DRC7: variants seen among roughly 807,000 people sequenced by gnomAD.
The protein encoded by DRC7 is dynein regulatory complex subunit 7.
A neutral mutation model predicts 104.4 loss-of-function variants in DRC7; 80 were observed. The ratio of observed to expected loss-of-function variants is 0.77; its 90% CI spans 0.64 to 0.92. The LOEUF (loss-of-function observed/expected upper bound fraction) is 0.92, where lower values mean the gene tolerates loss of function less well. Among genes scored for constraint, DRC7 ranks in the 40% least tolerant of loss-of-function variants. The pLI is 0.00. For synonymous variants in DRC7, 405 were observed against 447.3 expected, an observed-to-expected ratio of 0.91 and a Z score of 1.19; for missense variants, 1,034 against 1,141.1, an observed-to-expected ratio of 0.91 and a Z score of 1.35.
intron 4 of DRC7, 151 bp downstream of exon 4, chr16:57,699,175 C>T (rs1214973638): frequency 2.2e-5 from 20 of 916,412 alleles, no homozygotes; most frequent in African/African-American, 1.2e-4. Context: ...AACATAAAGT[C>T]GAACGCCAGC....
rs142383170 is a variant in DRC7, at chr16:57,698,087, G to A, written c.138G>A (p.Gln46=). Residue 46 remains glutamine (Q), a synonymous_variant, in exon 3 of 19, where the codon CAG becomes CAA. Coordinates refer to ENST00000360716, the MANE Select transcript of DRC7 (RefSeq NM_001289162.2). ...EVRKEEITLK[Q]ETLRDLEKKL... ...GGAAGGAGGAAATCACCTTAAAGCAGGAGACGCTCAGAGACCTGGAGAAGA... is the reference window on the plus strand; with the variant it reads ...GGAAGGAGGAAATCACCTTAAAGCAAGAGACGCTCAGAGACCTGGAGAAGA... 4 of 1,614,054 alleles carry A rather than the reference G, an allele frequency of 2.5e-6. No individual in the cohort carries two copies. The highest frequency in any genetic ancestry group is 3.4e-6 in the Non-Finnish European group (4 of 1,180,050).
chr16:57,716,587 C>T (rs1301390315), intron 8 of DRC7, among the ~76,000 whole-genome samples: 4 of 152,026 alleles, frequency 2.6e-5, no homozygotes, highest in African/African-American at 7.2e-5. Flanking sequence ...TTGCCACAGT[C>T]GCTGTGACAT....
chr16:57,718,922 G>A (rs894019479), intron 9 of DRC7, among the ~76,000 whole-genome samples: 15 of 151,996 alleles, frequency 9.9e-5, no homozygotes, highest in Admixed American at 2.0e-4. Flanking sequence ...CTGGGAGGCC[G>A]AAGCTGCAGT....
At chr16:57,714,401 G>T (rs549757555) in intron 8 of DRC7, 2 of 161,472 alleles carry the variant, frequency 1.2e-5, no homozygotes, top group African/African-American at 2.4e-5. Flanking sequence ...TGAGAGGATC[G>T]CTTGAGCTCA....
intron 8 of DRC7, chr16:57,714,229 A>G: frequency 5.7e-6 from 1 of 176,978 alleles, no homozygotes; most frequent in African/African-American, 2.4e-5. Flanking sequence ...TCTATTGAGA[A>G]GAAGGCATCC....
At chr16:57,714,906 C>T (rs1322708100) in intron 8 of DRC7, 2 of 323,718 alleles carry the variant, frequency 6.2e-6, no homozygotes, top group Non-Finnish European at 1.2e-5. Context: ...GCTTGTTTTT[C>T]CCAAAGCATC....
At chr16:57,709,107 C>T (rs180681231) in intron 8 of DRC7, among the ~76,000 whole-genome samples, 7 of 139,966 alleles carry the variant, frequency 5.0e-5, no homozygotes, top group African/African-American at 1.1e-4. Flanking sequence ...CCAGCCTGGG[C>T]GACAAAGCAA....
At chr16:57,726,330 C>T (rs1351838056) in intron 14 of DRC7, 47 bp downstream of exon 14, 4 of 1,521,424 alleles carry the variant, frequency 2.6e-6, no homozygotes, top group Admixed American at 1.7e-5. Context: ...CAGGAGGAAC[C>T]GGGGCTCTCT....
chr16:57,717,233 G>GTTT lies in DRC7; in HGVS notation c.1078-1100_1078-1098dup, dbSNP rs869088347. 6.3e-4 allele frequency among the ~76,000 whole-genome samples: 80 copies of GTTT among 126,894 alleles called. 1 individual carries two copies. Among genetic ancestry groups the GTTT allele is most frequent in the South Asian group, 1.6e-3 (6 of 3,738 alleles). The allele number at this position is 126,894 out of a possible 152,430, so 83.2% of individuals were successfully genotyped here. A position where few individuals can be genotyped will look rare whatever the true frequency, so the allele number is the denominator to read the frequency against. On this transcript the variant is annotated intron_variant, in intron 8 of 18. Coordinates refer to ENST00000360716, the MANE Select transcript of DRC7 (RefSeq NM_001289162.2). Reference sequence around the variant, plus strand: ...GAGGAGAAATTCCCACCCACCTGCTGTTTTTTTTTTTTTTTTGGAGAGACA... The same window carrying GTTT: ...GAGGAGAAATTCCCACCCACCTGCTGTTTTTTTTTTTTTTTTTTTGGAGAGACA...
rs566621043 is a variant in DRC7, at chr16:57,700,334, C to A, written c.504+64C>A. On this transcript the variant is annotated intron_variant, in intron 5 of 18. Coordinates refer to ENST00000360716, the MANE Select transcript of DRC7 (RefSeq NM_001289162.2). ...GGACTAAGATGGTGTGAGAAACAAA[C>A]TCACCCATCCAAACCCAAAGAATGG... is the stretch of plus-strand genomic sequence containing the variant. 100 of 1,551,284 alleles carry A rather than the reference C, an allele frequency of 6.4e-5. 1 individual carries two copies. In the African/African-American group the frequency reaches 1.2e-3, roughly 19 times the overall value.
intron 8 of DRC7, among the ~76,000 whole-genome samples, chr16:57,711,422 C>G (rs1201030947): frequency 6.6e-6 from 1 of 152,158 alleles, no homozygotes; most frequent in Admixed American, 6.5e-5. Flanking sequence ...CAGGGCTTTG[C>G]CAGTGAGGAT....
chr16:57,726,004 T>C (rs1284728686), intron 13 of DRC7, 64 bp from the exon 14 acceptor site: 1 of 1,424,064 alleles, frequency 7.0e-7, no homozygotes, highest in African/African-American at 1.4e-5. Flanking sequence ...CCTGCGGGCA[T>C]GCACAGAAAT....
intron 8 of DRC7, among the ~76,000 whole-genome samples, chr16:57,713,377 T>G (rs1597802648): frequency 6.6e-6 from 1 of 152,254 alleles, no homozygotes; most frequent in South Asian, 2.1e-4. Context: ...CTTCTTTCAG[T>G]TCTATCAGTA....
At chr16:57,727,099 C>T in intron 15 of DRC7, 157 bp downstream of exon 15, 1 of 644,522 alleles carries the variant, frequency 1.6e-6, no homozygotes, top group Middle Eastern at 4.2e-4. Flanking sequence ...TAACTGGGAC[C>T]ACTAGCGCAC....
intron 6 of DRC7, among the ~76,000 whole-genome samples, chr16:57,703,316 A>G (rs2048679346): frequency 6.6e-6 from 1 of 152,226 alleles, no homozygotes. Context: ...GACACAAGAA[A>G]TACTCTGGAA....
intron 8 of DRC7, among the ~76,000 whole-genome samples, chr16:57,713,201 G>A (rs1375406978): frequency 6.6e-6 from 1 of 152,200 alleles, no homozygotes; most frequent in African/African-American, 2.4e-5. Context: ...TGACAAGAAT[G>A]TGTATTTTGC....
At chr16:57,730,752 C>G (rs2049052243) in intron 17 of DRC7, among the ~76,000 whole-genome samples, 179 bp from the exon 18 acceptor site, 2 of 152,168 alleles carry the variant, frequency 1.3e-5, no homozygotes, top group South Asian at 4.1e-4. Flanking sequence ...CACTGGCTCC[C>G]ACCCAAGATA....
chr16:57,721,044 GTC>G (rs558482771), intron 9 of DRC7, among the ~76,000 whole-genome samples: 60 of 151,906 alleles, frequency 3.9e-4, no homozygotes, highest in African/African-American at 1.4e-3. Context: ...TCCCCCGGCC[GTC>G]TCTACTAAAA....
At chr16:57,723,177 G>A in intron 12 of DRC7, 47 bp downstream of exon 12, 2 of 1,601,862 alleles carry the variant, frequency 1.2e-6, no homozygotes, top group Non-Finnish European at 1.7e-6. Flanking sequence ...TGGGGTAGAG[G>A]CCTCACACAC....
Sources: allele counts gnomAD v4.1 joint callset (sites outside exome capture counted in the v4.1 genomes callset), GRCh38; gene constraint gnomAD v4.1.1; transcripts MANE v1.5; gene names NCBI Gene and HGNC (gene_info 2026-07-23, HGNC 2026-07-21).